The following TCF20 variants were observed in gnomAD, a reference collection of about 807,000 sequenced individuals.
TCF20 encodes the protein transcription factor 20.
Under a neutral mutation model 148.6 loss-of-function variants are expected in TCF20, and 3 were observed. That is an observed-to-expected ratio of 0.02 (90% CI 0.01 to 0.05). TCF20 has a LOEUF of 0.05. TCF20 is among the 10% of genes least tolerant of loss of function. The pLI, the probability that TCF20 is intolerant of heterozygous loss-of-function variation, is 1.00. For synonymous variants in TCF20, 1,049 were observed against 909.5 expected, an observed-to-expected ratio of 1.15 and a Z score of -2.76; for missense variants, 2,350 against 2,429.3, an observed-to-expected ratio of 0.97 and a Z score of 0.69.
At chr22:42,256,130 A>T (rs1030277887) in intron 1 of TCF20, among the ~76,000 whole-genome samples, 1 of 152,068 alleles carries the variant, frequency 6.6e-6, no homozygotes, top group East Asian at 1.9e-4. Flanking sequence ...TATTCTTCCC[A>T]TACTTGATCA....
intron 2 of TCF20, among the ~76,000 whole-genome samples, chr22:42,194,769 C>G (rs796458219): frequency 8.5e-5 from 13 of 152,086 alleles, no homozygotes; most frequent in African/African-American, 2.9e-4. Context: ...CCTATTTCCC[C>G]TGCCACTCAC....
chr22:42,296,007 A>T (rs541324503), intron 1 of TCF20, among the ~76,000 whole-genome samples: 2 of 152,264 alleles, frequency 1.3e-5, no homozygotes, highest in East Asian at 3.9e-4. Flanking sequence ...TGGGGTTCCA[A>T]TCTTGCCTTC....
chr22:42,190,241 C>CT (rs1937261313), intron 2 of TCF20, among the ~76,000 whole-genome samples: 1 of 152,040 alleles, frequency 6.6e-6, no homozygotes, highest in African/African-American at 2.4e-5. Context: ...GGAGGACTGC[C>CT]TGAGGCCAGG....
At chr22:42,266,817 T>C (rs1348006582) in intron 1 of TCF20, among the ~76,000 whole-genome samples, 1 of 152,106 alleles carries the variant, frequency 6.6e-6, no homozygotes, top group East Asian at 1.9e-4. Flanking sequence ...TACTAGGTTA[T>C]GGAACCTAAA....
At chr22:42,300,045 GGTTCCTTTCGTTCCTTC>G (rs1022576775) in intron 1 of TCF20, among the ~76,000 whole-genome samples, 1 of 152,152 alleles carries the variant, frequency 6.6e-6, no homozygotes, top group African/African-American at 2.4e-5. Flanking sequence ...CGTGCAGCCT[GGTTCCTTTCGTTCCTTC>G]GTTCCTTCGC....
chr22:42,340,692 G>A (rs1295936766), intron 1 of TCF20, among the ~76,000 whole-genome samples: 1 of 152,168 alleles, frequency 6.6e-6, no homozygotes, highest in Non-Finnish European at 1.5e-5. Flanking sequence ...ACATTCAGGT[G>A]CAGAGCAGTA....
intron 5 of TCF20, among the ~76,000 whole-genome samples, chr22:42,167,619 G>C (rs544329080): frequency 6.6e-6 from 1 of 152,306 alleles, no homozygotes; most frequent in East Asian, 1.9e-4. Context: ...GCAGCTTCTA[G>C]AGACCCCAAG....
chr22:42,328,653 G>A (rs1257439130), intron 1 of TCF20, among the ~76,000 whole-genome samples: 2 of 152,196 alleles, frequency 1.3e-5, no homozygotes, highest in Non-Finnish European at 2.9e-5. Context: ...CTGTGCCTCC[G>A]TTTCCTGGTC....
At chr22:42,321,376 C>T (rs1927730337) in intron 1 of TCF20, among the ~76,000 whole-genome samples, 4 of 152,228 alleles carry the variant, frequency 2.6e-5, no homozygotes. Flanking sequence ...GGCCCCAGCT[C>T]CACTCACATG....
At chr22:42,302,731 C>A (rs1305806797) in intron 1 of TCF20, among the ~76,000 whole-genome samples, 1 of 152,212 alleles carries the variant, frequency 6.6e-6, no homozygotes, top group Non-Finnish European at 1.5e-5. Flanking sequence ...AACCCCCCAC[C>A]CACTACACTC....
chr22:42,234,438 G>A (rs966577676), intron 1 of TCF20, among the ~76,000 whole-genome samples: 4 of 152,160 alleles, frequency 2.6e-5, no homozygotes, highest in African/African-American at 4.8e-5. Flanking sequence ...CCATATGGCT[G>A]GGGATGCAGG....
chr22:42,341,520 A>G (rs764099180), intron 1 of TCF20, among the ~76,000 whole-genome samples: 6 of 152,146 alleles, frequency 3.9e-5, no homozygotes, highest in Non-Finnish European at 5.9e-5. Flanking sequence ...CAGAGGGTCA[A>G]TCCTCGGCTT....
intron 1 of TCF20, among the ~76,000 whole-genome samples, chr22:42,312,510 G>C (rs1927554266): frequency 1.3e-5 from 2 of 152,114 alleles, no homozygotes; most frequent in Admixed American, 1.3e-4. Context: ...AGGGTTGGGG[G>C]AGCTTGGATT....
intron 2 of TCF20, among the ~76,000 whole-genome samples, chr22:42,201,125 A>G (rs951641181): frequency 2.0e-5 from 3 of 152,164 alleles, no homozygotes; most frequent in African/African-American, 4.8e-5. Context: ...CCTGCCATGC[A>G]AGAAGCCTTC....
At chr22:42,334,788 C>T (rs1308394209) in intron 1 of TCF20, among the ~76,000 whole-genome samples, 1 of 152,132 alleles carries the variant, frequency 6.6e-6, no homozygotes, top group South Asian at 2.1e-4. Context: ...GTCTCACAGC[C>T]TAGTCTAAGT....
intron 1 of TCF20, among the ~76,000 whole-genome samples, chr22:42,264,577 A>AT (rs971873383): frequency 6.6e-6 from 1 of 152,124 alleles, no homozygotes; most frequent in Non-Finnish European, 1.5e-5. Context: ...TAAACAAATT[A>AT]TTTACTTTGT....
intron 3 of TCF20, among the ~76,000 whole-genome samples, chr22:42,175,028 CTG>C (rs1159946820): frequency 2.0e-5 from 3 of 150,900 alleles, no homozygotes; most frequent in Non-Finnish European, 4.4e-5. Flanking sequence ...CAGCGAGACT[CTG>C]TCTCAAAAAA....
upstream of TCF20, among the ~76,000 whole-genome samples, chr22:42,286,877 A>C (rs1249542196): frequency 6.6e-6 from 1 of 152,206 alleles, no homozygotes; most frequent in African/African-American, 2.4e-5. Flanking sequence ...CAGTCCCTTG[A>C]ACCGTGGAGG....
At chr22:42,283,727 G>A (rs1427332555) in intron 1 of TCF20, among the ~76,000 whole-genome samples, 13 of 151,676 alleles carry the variant, frequency 8.6e-5, no homozygotes, top group South Asian at 2.1e-4. Flanking sequence ...GGGGAGCCTC[G>A]GGCCAGGGCA....
Sources: gnomAD v4.1 joint callset for allele counts (sites outside exome capture counted in the v4.1 genomes callset) on GRCh38, gnomAD v4.1.1 for gene constraint, MANE v1.5 for transcripts, NCBI Gene and HGNC (gene_info 2026-07-23, HGNC 2026-07-21) for gene names.